CHST11: variants seen among roughly 807,000 people sequenced by gnomAD.
CHST11 encodes the protein C4S-1.
In CHST11, 9 loss-of-function variants were observed where a neutral mutation model predicts 30.4. The observed-to-expected ratio is 0.30, with a 90% CI of 0.18 to 0.52. The LOEUF (loss-of-function observed/expected upper bound fraction) is 0.52, where lower values mean the gene tolerates loss of function less well. CHST11 is among the 20% of genes least tolerant of loss of function. The pLI, the probability that CHST11 is intolerant of heterozygous loss-of-function variation, is 0.97. For missense variants in CHST11, 348 were observed against 460.6 expected (o/e 0.76, Z 2.24); for synonymous variants, 152 against 187.8 (o/e 0.81, Z 1.56).
At chr12:104,744,494 A>T (rs970005027) in intron 2 of CHST11, among the ~76,000 whole-genome samples, 10 of 152,038 alleles carry the variant, frequency 6.6e-5, no homozygotes, top group Admixed American at 3.3e-4. Flanking sequence ...TAGATGCTGG[A>T]TATTAGACCT....
intron 1 of CHST11, among the ~76,000 whole-genome samples, chr12:104,504,378 G>A (rs2037882404): frequency 6.6e-6 from 1 of 152,254 alleles, no homozygotes; most frequent in African/African-American, 2.4e-5. Context: ...AAGAAAACCA[G>A]ATGCCAGACT....
At chr12:104,739,532 G>C (rs1029405079) in intron 2 of CHST11, among the ~76,000 whole-genome samples, 4 of 152,208 alleles carry the variant, frequency 2.6e-5, no homozygotes, top group African/African-American at 9.7e-5. Context: ...GTAAGTACTA[G>C]AGCCGGATTT....
intron 1 of CHST11, chr12:104,588,979 T>C (rs2038831852): frequency 6.6e-6 from 1 of 152,198 alleles, no homozygotes; most frequent in African/African-American, 2.4e-5. Flanking sequence ...AATAATAATA[T>C]GTCAGAATAA....
chr12:104,612,627 T>C (rs2039070563), intron 2 of CHST11, among the ~76,000 whole-genome samples: 1 of 152,230 alleles, frequency 6.6e-6, no homozygotes, highest in African/African-American at 2.4e-5. Context: ...ACTGTGTGTG[T>C]CGTGTTCTGC....
rs1156904462 is a variant in CHST11 at position 104,483,089 on chromosome 12, TC to T, written c.118+25562del. ...CCCACATGCCTCCTGGTGCAATATC[TC>T]CAAAACTGGACTCCTGCATCTTCAC... On this transcript the variant is annotated intron_variant, in intron 1 of 2. Transcript: ENST00000303694. Among the ~76,000 whole-genome samples, 8 of 152,316 alleles carry T rather than the reference TC, an allele frequency of 5.3e-5. No individual in the cohort carries two copies. In the East Asian group the frequency reaches 1.5e-3, roughly 29 times the overall value.
chr12:104,600,166 C>T lies in CHST11; in HGVS notation c.119-1740C>T, dbSNP rs1566002645. 6.6e-6 allele frequency among the ~76,000 whole-genome samples: 1 copy of T among 152,352 alleles called. No homozygotes were observed. The highest frequency in any genetic ancestry group is 1.5e-5 in the Non-Finnish European group (1 of 68,038). On this transcript the variant is annotated intron_variant, in intron 1 of 2. Transcript: ENST00000303694. The surrounding 1 kb of genome is among the most constrained non-coding windows in gnomAD (Gnocchi z 4.1). ...TGATGATTGACTTTCAGAGTTTCCA[C>T]GTGGCTCAAAGTGACAAGTCAACGG...
intron 2 of CHST11, among the ~76,000 whole-genome samples, chr12:104,753,322 C>T (rs1484146730): frequency 6.6e-6 from 1 of 152,120 alleles, no homozygotes; most frequent in Non-Finnish European, 1.5e-5. Flanking sequence ...CTAATAATCT[C>T]CGTTATTACT....
intron 1 of CHST11, among the ~76,000 whole-genome samples, chr12:104,580,633 A>AT (rs1476507443): frequency 6.6e-6 from 1 of 152,144 alleles, no homozygotes; most frequent in Non-Finnish European, 1.5e-5. Flanking sequence ...TGGGAGCCCA[A>AT]TTTTTTCTCT....
intron 2 of CHST11, among the ~76,000 whole-genome samples, chr12:104,665,812 C>CT (rs59199522): frequency 0.023 from 1,845 of 78,812 alleles, 297 homozygotes; most frequent in Middle Eastern, 0.028. Flanking sequence ...CTCTCTGTCT[C>CT]TTTTTTTTTT....
chr12:104,514,028 A>C, intron 1 of CHST11: 1 of 836,342 alleles, frequency 1.2e-6, no homozygotes, highest in Non-Finnish European at 2.0e-6. Context: ...AGACTTAAAA[A>C]ATGCAGACCC....
intron 2 of CHST11, among the ~76,000 whole-genome samples, chr12:104,745,536 C>T (rs968757064): frequency 6.6e-6 from 1 of 152,104 alleles, no homozygotes; most frequent in African/African-American, 2.4e-5. Flanking sequence ...GGCAGTAGGG[C>T]CATTTTAATG....
intron 1 of CHST11, among the ~76,000 whole-genome samples, chr12:104,497,630 C>T (rs996066748): frequency 2.0e-5 from 3 of 152,098 alleles, no homozygotes; most frequent in Admixed American, 6.6e-5. Flanking sequence ...GTGGTTTCTT[C>T]TTAAGTTGTT....
intron 1 of CHST11, among the ~76,000 whole-genome samples, chr12:104,536,153 G>A (rs2038235545): frequency 6.6e-6 from 1 of 152,196 alleles, no homozygotes; most frequent in African/African-American, 2.4e-5. Flanking sequence ...ATGATGGACT[G>A]GGAAAGTATC....
intron 1 of CHST11, among the ~76,000 whole-genome samples, chr12:104,517,316 T>A (rs559824249): frequency 5.9e-5 from 9 of 152,136 alleles, no homozygotes; most frequent in Non-Finnish European, 8.8e-5. Flanking sequence ...TGAAGCCGAT[T>A]TAATCCTGGT....
chr12:104,461,896 G>A (rs1368880671), intron 1 of CHST11, among the ~76,000 whole-genome samples: 1 of 151,906 alleles, frequency 6.6e-6, no homozygotes, highest in Non-Finnish European at 1.5e-5. Context: ...AGGTGCGATG[G>A]CTCACACCTG....
intron 1 of CHST11, among the ~76,000 whole-genome samples, chr12:104,468,026 A>G (rs2037474452): frequency 6.6e-6 from 1 of 152,168 alleles, no homozygotes; most frequent in Non-Finnish European, 1.5e-5. Context: ...AAACAGGTGA[A>G]AATCCATGTC....
At chr12:104,608,394 G>A (rs1482259687) in intron 2 of CHST11, among the ~76,000 whole-genome samples, 1 of 151,876 alleles carries the variant, frequency 6.6e-6, no homozygotes, top group Non-Finnish European at 1.5e-5. Context: ...CCAGACCCTC[G>A]GCTGATAGAA....
intron 1 of CHST11, among the ~76,000 whole-genome samples, chr12:104,588,182 G>A (rs112585696): frequency 1.7e-4 from 26 of 152,104 alleles, no homozygotes; most frequent in African/African-American, 4.3e-4. Flanking sequence ...CAGCATCCCC[G>A]CAGTCTAATT....
intron 2 of CHST11, among the ~76,000 whole-genome samples, chr12:104,751,888 A>G (rs1051474992): frequency 2.0e-5 from 3 of 152,220 alleles, no homozygotes; most frequent in African/African-American, 7.2e-5. Context: ...AAGTACCCTA[A>G]TACACTGTCC....
Sources: allele counts gnomAD v4.1 joint callset (sites outside exome capture counted in the v4.1 genomes callset), GRCh38; gene constraint gnomAD v4.1.1; non-coding constraint Gnocchi (gnomAD v3.1); transcripts MANE v1.5; gene names NCBI Gene and HGNC (gene_info 2026-07-23, HGNC 2026-07-21).